The following ARHGEF26 variants were observed in gnomAD, a reference collection of about 807,000 sequenced individuals.
ARHGEF26 encodes the protein Rho guanine nucleotide exchange factor (GEF) 26.
A neutral mutation model predicts 89.4 loss-of-function variants in ARHGEF26; 59 were observed. That is an observed-to-expected ratio of 0.66 (90% CI 0.54 to 0.82). The LOEUF is 0.82. Among genes scored for constraint, ARHGEF26 ranks in the 40% least tolerant of loss-of-function variants. ARHGEF26 has a pLI of 0.00. For missense variants in ARHGEF26, 1,234 were observed against 1,085.6 expected, an observed-to-expected ratio of 1.14 and a Z score of -1.92; for synonymous variants, 500 against 428.4, an observed-to-expected ratio of 1.17 and a Z score of -2.06.
intron 11 of ARHGEF26, among the ~76,000 whole-genome samples, chr3:154,234,834 C>T (rs139750633): frequency 0.017 from 2,545 of 152,206 alleles, 75 homozygotes; most frequent in African/African-American, 0.058. Flanking sequence ...GGCGCAATCT[C>T]GGCTCACTGC....
chr3:154,157,223 A>C (rs1437207041), intron 6 of ARHGEF26, among the ~76,000 whole-genome samples: 1 of 152,162 alleles, frequency 6.6e-6, no homozygotes, highest in African/African-American at 2.4e-5. Flanking sequence ...AAGGCTCCTA[A>C]GTTCCAAAGC....
At chr3:154,148,895 A>G (rs1559861919) in intron 4 of ARHGEF26, among the ~76,000 whole-genome samples, 1 of 152,224 alleles carries the variant, frequency 6.6e-6, no homozygotes, top group African/African-American at 2.4e-5. Flanking sequence ...AAAAAAACAC[A>G]TGAAAACTGG....
intron 11 of ARHGEF26, among the ~76,000 whole-genome samples, chr3:154,233,792 C>T (rs967153067): frequency 1.3e-5 from 2 of 152,156 alleles, no homozygotes; most frequent in Non-Finnish European, 2.9e-5. Context: ...TGGTGGCCTT[C>T]GGAAGCCATT....
rs750421284 is a variant in ARHGEF26, at chr3:154,194,655, A to G, written c.1782A>G (p.Gln594=). 3.1e-6 allele frequency: 5 copies of G among 1,611,626 alleles called. No individual in the cohort carries two copies. The highest frequency in any genetic ancestry group is 3.4e-6 in the Non-Finnish European group (4 of 1,178,866). The change falls in exon 9 of 15, where the codon CAA becomes CAG. Residue 594 remains glutamine, a synonymous_variant. Transcript: ENST00000465093. ...RLPLLMDTIC[Q]KTPKDSPKYE... is the part of the protein sequence containing the mutation. ...TTATTTCATTACAGACTATCTGTCAAAAAACACCTAAGGACTCTCCGAAGT... is the reference window on the plus strand; with the variant it reads ...TTATTTCATTACAGACTATCTGTCAGAAAACACCTAAGGACTCTCCGAAGT...
intron 10 of ARHGEF26, among the ~76,000 whole-genome samples, chr3:154,223,185 G>C (rs1319172675): frequency 2.0e-5 from 3 of 152,150 alleles, no homozygotes; most frequent in Admixed American, 6.6e-5. Context: ...TGATTGAGTG[G>C]AGTGGTGGTA....
At chr3:154,230,976 T>G (rs1400945084) in intron 11 of ARHGEF26, among the ~76,000 whole-genome samples, 2 of 152,266 alleles carry the variant, frequency 1.3e-5, no homozygotes, top group South Asian at 2.1e-4. Context: ...TTTTTGCTTT[T>G]TCCATGAGAA....
intron 3 of ARHGEF26, among the ~76,000 whole-genome samples, chr3:154,126,634 A>T (rs1718347040): frequency 6.6e-6 from 1 of 152,122 alleles, no homozygotes; most frequent in Non-Finnish European, 1.5e-5. Context: ...ATCCTTTTGT[A>T]CTCAGGGTGA....
intron 6 of ARHGEF26, chr3:154,187,043 C>G (rs1204942379): frequency 6.5e-6 from 1 of 153,882 alleles, no homozygotes; most frequent in African/African-American, 2.4e-5. Context: ...AGCTGCGTGC[C>G]ACCACACCTG....
intron 12 of ARHGEF26, among the ~76,000 whole-genome samples, chr3:154,240,858 C>T (rs1717446008): frequency 6.6e-6 from 1 of 152,000 alleles, no homozygotes; most frequent in Non-Finnish European, 1.5e-5. Context: ...GTTTAAAAAT[C>T]ATTTTACTTT....
chr3:154,220,943 G>A (rs1388932485), intron 10 of ARHGEF26, among the ~76,000 whole-genome samples: 2 of 152,046 alleles, frequency 1.3e-5, no homozygotes, highest in Non-Finnish European at 2.9e-5. Context: ...AAATATCCCC[G>A]ATGTATAAAA....
rs1237988251 is a variant in ARHGEF26 at position 154,255,403 on chromosome 3, CATGT to C, written c.2547_2550del (p.Cys850LysfsTer15). Reference sequence around the variant, plus strand: ...CCTATGGAATGTGCCAAGGAGATAACATGTCAAGCTACAATTGATAAGAATGTGG... The same window carrying C: ...CCTATGGAATGTGCCAAGGAGATAACCAAGCTACAATTGATAAGAATGTGG... On this transcript the variant is annotated frameshift_variant, in exon 15 of 15. Transcript: ENST00000465093. LOFTEE classifies it high-confidence loss of function. 1.2e-6 allele frequency: 2 copies of C among 1,613,458 alleles called. No individual in the cohort carries two copies. Among genetic ancestry groups the C allele is most frequent in the Non-Finnish European group, 1.7e-6 (2 of 1,179,846 alleles).
At chr3:154,206,733 A>G (rs1256936647) in intron 9 of ARHGEF26, among the ~76,000 whole-genome samples, 1 of 152,182 alleles carries the variant, frequency 6.6e-6, no homozygotes, top group African/African-American at 2.4e-5. Flanking sequence ...AACTGCCATT[A>G]CATTCTTCAC....
chr3:154,234,903 C>T (rs868314083), intron 11 of ARHGEF26, among the ~76,000 whole-genome samples: 3 of 152,108 alleles, frequency 2.0e-5, no homozygotes, highest in Admixed American at 1.3e-4. Flanking sequence ...GTAGCTGGGA[C>T]TACAGGCGCT....
chr3:154,156,524 A>C (rs1320680086), intron 6 of ARHGEF26, among the ~76,000 whole-genome samples: 1 of 152,106 alleles, frequency 6.6e-6, no homozygotes, highest in Admixed American at 6.6e-5. Context: ...TAATAATTTG[A>C]TCTCTGTTAT....
intron 6 of ARHGEF26, among the ~76,000 whole-genome samples, chr3:154,178,130 G>T (rs1712946431): frequency 6.6e-6 from 1 of 152,104 alleles, no homozygotes; most frequent in African/African-American, 2.4e-5. Flanking sequence ...CTTGAACCCG[G>T]GAGGTGGAGG....
At chr3:154,250,696 G>A (rs971000253) in intron 12 of ARHGEF26, among the ~76,000 whole-genome samples, 1 of 152,292 alleles carries the variant, frequency 6.6e-6, no homozygotes, top group East Asian at 1.9e-4. Context: ...TATAGGCTAT[G>A]TATAATTTGT....
At chr3:154,210,554 A>T (rs954775508) in intron 9 of ARHGEF26, among the ~76,000 whole-genome samples, 1 of 150,590 alleles carries the variant, frequency 6.6e-6, no homozygotes, top group African/African-American at 2.4e-5. Flanking sequence ...GCCTCAAGTG[A>T]TCTGCCCACC....
intron 4 of ARHGEF26, among the ~76,000 whole-genome samples, chr3:154,147,410 CAATA>C (rs764803420): frequency 6.6e-6 from 1 of 152,036 alleles, no homozygotes; most frequent in Non-Finnish European, 1.5e-5. Flanking sequence ...GACTCTATCT[CAATA>C]AATAAATAAA....
At chr3:154,177,693 TG>T (rs1712911889) in intron 6 of ARHGEF26, among the ~76,000 whole-genome samples, 1 of 152,168 alleles carries the variant, frequency 6.6e-6, no homozygotes, top group Non-Finnish European at 1.5e-5. Flanking sequence ...AGCAAATAAC[TG>T]GGCCCTGGGC....
Sources: allele counts gnomAD v4.1 joint callset (sites outside exome capture counted in the v4.1 genomes callset), GRCh38; gene constraint gnomAD v4.1.1; transcripts MANE v1.5; gene names NCBI Gene and HGNC (gene_info 2026-07-23, HGNC 2026-07-21).